The following SYT9 variants were observed in gnomAD, a reference collection of about 807,000 sequenced individuals.
The protein encoded by SYT9 is synaptotagmin 9.
SYT9 carries 22 observed loss-of-function variants against 48.4 expected under a neutral mutation model. That is an observed-to-expected ratio of 0.45 (90% confidence interval 0.32 to 0.65). The LOEUF is 0.65. SYT9 is among the 30% of genes least tolerant of loss of function. The pLI, the probability that SYT9 is intolerant of heterozygous loss-of-function variation, is 0.03. For missense variants in SYT9, 577 were observed against 622.0 expected, an observed-to-expected ratio of 0.93 and a Z score of 0.77; for synonymous variants, 265 against 245.0, an observed-to-expected ratio of 1.08 and a Z score of -0.76.
chr11:7,407,165 T>C (rs946435245), intron 3 of SYT9, among the ~76,000 whole-genome samples: 2 of 152,142 alleles, frequency 1.3e-5, no homozygotes, highest in African/African-American at 2.4e-5. Flanking sequence ...CTCACTCTGT[T>C]GATTGTTTCC....
chr11:7,313,863 G>A lies in SYT9; in HGVS notation c.966G>A (p.Val322=), dbSNP rs761278790. 7.4e-6 allele frequency: 12 copies of A among 1,614,062 alleles called. No individual in the cohort carries two copies. Among genetic ancestry groups the A allele is most frequent in the African/African-American group, 1.3e-5 (1 of 74,930 alleles). The change falls in exon 3 of 7, where the codon GTG becomes GTA. Residue 322 remains valine (V), a synonymous_variant. Transcript: ENST00000318881. ...CTCGTCATGACTTAATCGGCCAAGT[G>A]GTGGTGGATCACTTCCTAGACTTGG... ...RFSRHDLIGQ[V]VVDHFLDLAD...
At chr11:7,394,222 T>C (rs1846699285) in intron 3 of SYT9, among the ~76,000 whole-genome samples, 1 of 152,112 alleles carries the variant, frequency 6.6e-6, no homozygotes, top group African/African-American at 2.4e-5. Context: ...TTTGGTTTTT[T>C]GTCCTTGTGA....
In SYT9 at chr11:7,468,263, T is replaced by G; in HGVS notation, c.*1463T>G. On this transcript the variant is annotated 3_prime_UTR_variant, in exon 7 of 7. Coordinates refer to ENST00000318881, the MANE Select transcript of SYT9 (RefSeq NM_175733.4). ...TAACTGGGCGGAGGAAGGATCGTTATACGTCTTCAGAAAGTTCTCATTGCC... is the reference window on the plus strand; with the variant it reads ...TAACTGGGCGGAGGAAGGATCGTTAGACGTCTTCAGAAAGTTCTCATTGCC... The G allele has an allele frequency of 2.5e-6, 1 of 398,680 alleles. No homozygotes were observed. The highest frequency in any genetic ancestry group is 4.4e-6 in the Non-Finnish European group (1 of 226,074). 24.7% of individuals were successfully genotyped at this position (398,680 alleles called of 1,614,324 possible). A position where few individuals can be genotyped will look rare whatever the true frequency, so the allele number is the denominator to read the frequency against.
intron 3 of SYT9, among the ~76,000 whole-genome samples, chr11:7,415,764 A>G (rs1291794849): frequency 6.6e-6 from 1 of 152,178 alleles, no homozygotes; most frequent in Non-Finnish European, 1.5e-5. Context: ...ATGAGTCTGT[A>G]CAGGGCTGCC....
At chr11:7,456,847 G>A (rs1008895692) in intron 6 of SYT9, 1 of 152,176 alleles carries the variant, frequency 6.6e-6, no homozygotes, top group Non-Finnish European at 1.5e-5. Context: ...GGCTCAGTGA[G>A]ATCTGTCAAG....
chr11:7,273,841 G>A (rs1848338877), intron 1 of SYT9, among the ~76,000 whole-genome samples: 1 of 152,132 alleles, frequency 6.6e-6, no homozygotes, highest in South Asian at 2.1e-4. Context: ...ATAAGTGGGA[G>A]TTGAACAATG....
intron 6 of SYT9, among the ~76,000 whole-genome samples, chr11:7,445,383 T>A (rs550961880): frequency 6.6e-6 from 1 of 152,262 alleles, no homozygotes; most frequent in Non-Finnish European, 1.5e-5. Context: ...TGTCCAGCCT[T>A]GGACTCCACG....
At chr11:7,412,670 G>A (rs150743669) in intron 3 of SYT9, among the ~76,000 whole-genome samples, 1 of 152,306 alleles carries the variant, frequency 6.6e-6, no homozygotes, top group East Asian at 1.9e-4. Flanking sequence ...TTGCTGAAAT[G>A]CTAGTAGTGG....
At chr11:7,390,410 A>C (rs982749926) in intron 3 of SYT9, among the ~76,000 whole-genome samples, 3 of 152,216 alleles carry the variant, frequency 2.0e-5, no homozygotes, top group African/African-American at 7.2e-5. Context: ...ATACTCAAGC[A>C]AAATGAGCCA....
At chr11:7,247,817 A>G (rs573657885), upstream of SYT9, among the ~76,000 whole-genome samples, 39 of 151,642 alleles carry the variant, frequency 2.6e-4, 1 homozygote, top group Admixed American at 2.5e-3. Flanking sequence ...TCGTATAATG[A>G]CCTCTTTTGC....
intron 3 of SYT9, among the ~76,000 whole-genome samples, chr11:7,388,069 A>G (rs1036930374): frequency 1.3e-5 from 2 of 152,156 alleles, no homozygotes; most frequent in African/African-American, 4.8e-5. Context: ...ATATTTGCAC[A>G]TATTGCGTTT....
intron 3 of SYT9, among the ~76,000 whole-genome samples, chr11:7,340,443 G>A (rs1849693484): frequency 6.6e-6 from 1 of 152,288 alleles, no homozygotes; most frequent in South Asian, 2.1e-4. Context: ...TCTGACTATT[G>A]GAGTTGTTGG....
At chr11:7,284,745 A>T (rs1300631090) in intron 1 of SYT9, among the ~76,000 whole-genome samples, 1 of 151,580 alleles carries the variant, frequency 6.6e-6, no homozygotes, top group African/African-American at 2.4e-5. Context: ...GGGAAATGTT[A>T]TTTTTTTTGC....
intron 3 of SYT9, among the ~76,000 whole-genome samples, chr11:7,343,918 C>G (rs1849755939): frequency 6.6e-6 from 1 of 152,092 alleles, no homozygotes; most frequent in Non-Finnish European, 1.5e-5. Flanking sequence ...AAAGGGGAAA[C>G]CCATTATAAA....
At chr11:7,406,259 G>A (rs1256572381) in intron 3 of SYT9, among the ~76,000 whole-genome samples, 2 of 151,796 alleles carry the variant, frequency 1.3e-5, no homozygotes, top group African/African-American at 4.8e-5. Context: ...AAATATTGGA[G>A]CCTATTCTTC....
intron 1 of SYT9, among the ~76,000 whole-genome samples, chr11:7,269,070 T>TA (rs1200480671): frequency 2.0e-5 from 3 of 152,150 alleles, no homozygotes; most frequent in Non-Finnish European, 4.4e-5. Flanking sequence ...CTTTCCTTTT[T>TA]ATTACTGATT....
chr11:7,322,082 G>C (rs528580112), intron 3 of SYT9, among the ~76,000 whole-genome samples: 2 of 152,090 alleles, frequency 1.3e-5, no homozygotes, highest in Admixed American at 1.3e-4. Context: ...TTAACAACTC[G>C]TTGTGGGGCA....
chr11:7,426,294 G>A (rs1847456780), intron 6 of SYT9, among the ~76,000 whole-genome samples: 1 of 152,068 alleles, frequency 6.6e-6, no homozygotes, highest in Non-Finnish European at 1.5e-5. Flanking sequence ...GTAACTGTGG[G>A]CTATAGTCTC....
At chr11:7,275,407 G>C (rs1442769594) in intron 1 of SYT9, among the ~76,000 whole-genome samples, 1 of 152,156 alleles carries the variant, frequency 6.6e-6, no homozygotes, top group African/African-American at 2.4e-5. Context: ...CATTTCAGTG[G>C]TTGGAATCCT....
Sources: allele counts gnomAD v4.1 joint callset (sites outside exome capture counted in the v4.1 genomes callset), GRCh38; gene constraint gnomAD v4.1.1; transcripts MANE v1.5; gene names NCBI Gene and HGNC (gene_info 2026-07-23, HGNC 2026-07-21).